Variants in DLGAP2 observed in about 807,000 individuals in gnomAD.
DLGAP2 encodes DLG associated protein 2, also known as disks large-associated protein 2.
Under a neutral mutation model 100.3 loss-of-function variants are expected in DLGAP2, and 26 were observed. The ratio of observed to expected loss-of-function variants is 0.26; its 90% CI spans 0.19 to 0.36. The LOEUF is 0.36. DLGAP2 is among the 10% of genes least tolerant of loss of function. DLGAP2 has a pLI of 1.00. For missense variants in DLGAP2, 1,858 were observed against 1,453.2 expected (o/e 1.28, Z -4.53); for synonymous variants, 886 against 630.1 (o/e 1.41, Z -6.08).
At chr8:1,236,385 A>C (rs1798656367) in intron 2 of DLGAP2, among the ~76,000 whole-genome samples, 2 of 48,164 alleles carry the variant, frequency 4.2e-5, no homozygotes, top group African/African-American at 1.0e-4. Flanking sequence ...GTTACCTATC[A>C]CATGGTGCCG....
At chr8:1,173,824 T>C (rs1371949696) in intron 2 of DLGAP2, among the ~76,000 whole-genome samples, 1 of 152,212 alleles carries the variant, frequency 6.6e-6, no homozygotes, top group East Asian at 1.9e-4. Flanking sequence ...CTCTGACCCA[T>C]TGCGCTTCCT....
At chr8:1,436,681 A>G (rs189260613) in intron 3 of DLGAP2, among the ~76,000 whole-genome samples, 35 of 152,266 alleles carry the variant, frequency 2.3e-4, no homozygotes, top group Admixed American at 1.2e-3. Flanking sequence ...AGTCTACAGT[A>G]GCATACAGTG....
intron 2 of DLGAP2, among the ~76,000 whole-genome samples, chr8:1,150,587 T>G (rs1361392939): frequency 2.0e-5 from 3 of 152,220 alleles, no homozygotes; most frequent in Admixed American, 2.0e-4. Flanking sequence ...ATGAATCTAC[T>G]GTGGCTTCTA....
intron 2 of DLGAP2, among the ~76,000 whole-genome samples, chr8:1,197,702 A>G (rs1052770408): frequency 6.7e-6 from 1 of 149,834 alleles, no homozygotes; most frequent in Non-Finnish European, 1.5e-5. Context: ...AGCCACGTCA[A>G]TGTGGAGCAT....
At chr8:1,149,644 A>G (rs542556180) in intron 2 of DLGAP2, among the ~76,000 whole-genome samples, 13 of 152,242 alleles carry the variant, frequency 8.5e-5, no homozygotes, top group Admixed American at 4.6e-4. Flanking sequence ...ATCTGGTCAG[A>G]CTGTATATAT....
intron 2 of DLGAP2, among the ~76,000 whole-genome samples, chr8:1,157,659 G>A (rs937521592): frequency 6.6e-6 from 1 of 152,142 alleles, no homozygotes; most frequent in Non-Finnish European, 1.5e-5. Context: ...ACTGTAGGAA[G>A]ATAATTCTAA....
At chr8:858,590 G>A (rs1238286504) in intron 1 of DLGAP2, among the ~76,000 whole-genome samples, 3 of 149,120 alleles carry the variant, frequency 2.0e-5, no homozygotes, top group Non-Finnish European at 4.5e-5. Context: ...CATGTGTGAC[G>A]CTGTCACCGT....
chr8:1,331,296 G>A (rs1357555562), intron 3 of DLGAP2, among the ~76,000 whole-genome samples: 1 of 152,216 alleles, frequency 6.6e-6, no homozygotes, highest in Non-Finnish European at 1.5e-5. Flanking sequence ...AGTGTCTGGG[G>A]TTATGCTGGT....
At chr8:1,414,942 G>C (rs112124919) in intron 3 of DLGAP2, among the ~76,000 whole-genome samples, 104 of 152,212 alleles carry the variant, frequency 6.8e-4, no homozygotes, top group African/African-American at 2.3e-3. Flanking sequence ...CTGGGAGGTG[G>C]AGGTTTCAGT....
intron 3 of DLGAP2, among the ~76,000 whole-genome samples, chr8:1,321,159 C>A (rs893311360): frequency 7.3e-5 from 11 of 149,742 alleles, no homozygotes; most frequent in Non-Finnish European, 1.5e-4. Flanking sequence ...GCATCCGTGC[C>A]CGTATGTGTC....
chr8:972,922 C>A (rs577521605), intron 2 of DLGAP2, among the ~76,000 whole-genome samples: 8 of 152,308 alleles, frequency 5.3e-5, no homozygotes, highest in African/African-American at 1.9e-4. Context: ...GTTTCAGAGA[C>A]CACCGTGTTG....
intron 7 of DLGAP2, among the ~76,000 whole-genome samples, chr8:1,627,918 C>A (rs1476332651): frequency 1.3e-5 from 2 of 150,338 alleles, no homozygotes; most frequent in African/African-American, 5.0e-5. Flanking sequence ...CACATTCTTT[C>A]TGACTTACTG....
At chr8:1,207,908 T>C (rs1044163326) in intron 2 of DLGAP2, among the ~76,000 whole-genome samples, 2 of 152,162 alleles carry the variant, frequency 1.3e-5, no homozygotes, top group Non-Finnish European at 2.9e-5. Context: ...CACTTTTTGA[T>C]GGGATTATTT....
chr8:1,598,545 T>C (rs1486100166), intron 6 of DLGAP2, among the ~76,000 whole-genome samples: 1 of 152,210 alleles, frequency 6.6e-6, no homozygotes, highest in East Asian at 1.9e-4. Context: ...TTTCAGAACT[T>C]GTTATTGGTG....
At chr8:878,055 A>C (rs139893823) in intron 1 of DLGAP2, among the ~76,000 whole-genome samples, 4 of 152,134 alleles carry the variant, frequency 2.6e-5, no homozygotes, top group African/African-American at 7.2e-5. Flanking sequence ...GAGACTGTAG[A>C]TGTTTTGTTG....
At chr8:1,387,455 T>C (rs900170289) in intron 3 of DLGAP2, among the ~76,000 whole-genome samples, 8 of 152,080 alleles carry the variant, frequency 5.3e-5, no homozygotes, top group Non-Finnish European at 7.4e-5. Flanking sequence ...AGCATTAAGA[T>C]TGGCAGTCTG....
intron 3 of DLGAP2, among the ~76,000 whole-genome samples, chr8:1,382,298 C>T (rs554473058): frequency 3.3e-5 from 5 of 152,348 alleles, no homozygotes; most frequent in African/African-American, 4.8e-5. Flanking sequence ...CCCGTCTTCA[C>T]GTTGAGTGGG....
At chr8:1,555,666 T>C (rs1229843923) in intron 5 of DLGAP2, among the ~76,000 whole-genome samples, 1 of 152,206 alleles carries the variant, frequency 6.6e-6, no homozygotes, top group Non-Finnish European at 1.5e-5. Context: ...ACCCCCCAGT[T>C]GTCCTGGGAC....
chr8:1,059,485 G>T (rs1330315932), intron 2 of DLGAP2, among the ~76,000 whole-genome samples: 2 of 152,184 alleles, frequency 1.3e-5, no homozygotes, highest in Non-Finnish European at 2.9e-5. Flanking sequence ...GCCTCGGGCT[G>T]CAAGAGGATT....
Sources: gnomAD v4.1 joint callset for allele counts (sites outside exome capture counted in the v4.1 genomes callset) on GRCh38, gnomAD v4.1.1 for gene constraint, MANE v1.5 for transcripts, NCBI Gene and HGNC (gene_info 2026-07-23, HGNC 2026-07-21) for gene names.